Variants in GABRB1 observed in about 807,000 individuals in gnomAD.
GABRB1 encodes the protein gamma-aminobutyric acid receptor subunit beta-1.
In GABRB1, 17 loss-of-function variants were observed where a neutral mutation model predicts 51.6. The observed-to-expected ratio is 0.33, with a 90% confidence interval of 0.23 to 0.49. The LOEUF (loss-of-function observed/expected upper bound fraction) is 0.49, where lower values mean the gene tolerates loss of function less well. Ranked by LOEUF, GABRB1 falls within the 20% of genes least tolerant of loss-of-function variation. The pLI, the probability that GABRB1 is intolerant of heterozygous loss-of-function variation, is 0.99. For missense variants in GABRB1, 410 were observed against 600.6 expected (o/e 0.68, Z 3.32); for synonymous variants, 247 against 218.9 (o/e 1.13, Z -1.14).
chr4:47,293,926 A>G (rs1723858236), intron 4 of GABRB1, among the ~76,000 whole-genome samples: 1 of 152,224 alleles, frequency 6.6e-6, no homozygotes, highest in East Asian at 1.9e-4. Context: ...GAAAACATAT[A>G]ACACAAATTT....
rs369928112 is a variant in GABRB1 at position 47,239,009 on chromosome 4, C to G, written c.461+77540C>G. Among the ~76,000 whole-genome samples the G allele has an allele frequency of 4.6e-5, 7 of 152,188 alleles. No homozygotes were observed. The East Asian group carries it at 1.2e-3, about 25-fold the overall frequency. ...TATGGCTCACAAAATTTTCATTTGCCTGGTACAGGCTTTATTTTATTTTGT... is the reference window on the plus strand; with the variant it reads ...TATGGCTCACAAAATTTTCATTTGCGTGGTACAGGCTTTATTTTATTTTGT... On this transcript the variant is annotated intron_variant, in intron 4 of 8. Transcript: ENST00000295454.
chr4:47,422,880 G>A (rs1729135618), intron 8 of GABRB1, among the ~76,000 whole-genome samples: 1 of 152,050 alleles, frequency 6.6e-6, no homozygotes, highest in Non-Finnish European at 1.5e-5. Context: ...ACAGTTTCCA[G>A]GTCACCTTCA....
intron 4 of GABRB1, among the ~76,000 whole-genome samples, chr4:47,223,519 A>G (rs1479830104): frequency 6.6e-6 from 1 of 152,116 alleles, no homozygotes; most frequent in African/African-American, 2.4e-5. Context: ...ATTCTTTTAT[A>G]GTAAGCCTGA....
At chr4:47,019,724 T>G (rs553460759) in intron 1 of GABRB1, among the ~76,000 whole-genome samples, 1 of 150,044 alleles carries the variant, frequency 6.7e-6, no homozygotes, top group East Asian at 2.0e-4. Flanking sequence ...CCTTCTTCTT[T>G]CCTTCTTTCA....
intron 3 of GABRB1, among the ~76,000 whole-genome samples, chr4:47,138,974 G>C (rs1716798095): frequency 6.6e-6 from 1 of 151,918 alleles, no homozygotes; most frequent in African/African-American, 2.4e-5. Flanking sequence ...CCAAACATTT[G>C]GGATGAAAGT....
intron 5 of GABRB1, among the ~76,000 whole-genome samples, chr4:47,353,376 T>C (rs1726435563): frequency 6.6e-6 from 1 of 152,248 alleles, no homozygotes; most frequent in East Asian, 1.9e-4. Context: ...ACTCCCTTGA[T>C]GTTTCCCTTA....
chr4:47,088,947 T>C (rs1728184557), intron 3 of GABRB1, among the ~76,000 whole-genome samples: 1 of 152,226 alleles, frequency 6.6e-6, no homozygotes, highest in Non-Finnish European at 1.5e-5. Flanking sequence ...TTGACTTCTT[T>C]GTCTTGTGTG....
intron 4 of GABRB1, among the ~76,000 whole-genome samples, chr4:47,220,363 C>T (rs1720721888): frequency 6.6e-6 from 1 of 151,930 alleles, no homozygotes; most frequent in African/African-American, 2.4e-5. Flanking sequence ...CTCCTGCTTC[C>T]TTCTCCCTGT....
chr4:47,155,928 T>TATATATATATATAC lies in GABRB1; in HGVS notation c.241-5308_241-5307insCATATATATATATA, dbSNP rs1482118047. Among the ~76,000 whole-genome samples, 3 of 92,708 alleles carry TATATATATATATAC rather than the reference T, an allele frequency of 3.2e-5. 1 individual carries two copies. The highest frequency in any genetic ancestry group is 6.0e-5 in the Non-Finnish European group (3 of 50,234). The allele number at this position is 92,708 out of a possible 152,430, so 60.8% of individuals were successfully genotyped here. A position where few individuals can be genotyped will look rare whatever the true frequency, so the allele number is the denominator to read the frequency against. On this transcript the variant is annotated intron_variant, in intron 3 of 8. Transcript: ENST00000295454. ...AAAGAGGTATTTTCATATATATATA[T>TATATATATATATAC]ATATATATATATATATATGAAACCA...
At chr4:47,079,742 G>T (rs191971688) in intron 3 of GABRB1, among the ~76,000 whole-genome samples, 2 of 149,894 alleles carry the variant, frequency 1.3e-5, no homozygotes, top group African/African-American at 4.9e-5. Flanking sequence ...GCAAACTATC[G>T]CAAGGACAAA....
chr4:47,318,846 A>G (rs1379747353), intron 4 of GABRB1, among the ~76,000 whole-genome samples: 1 of 152,128 alleles, frequency 6.6e-6, no homozygotes, highest in Non-Finnish European at 1.5e-5. Context: ...ATAAAGTGTA[A>G]TCATAAGTTA....
chr4:47,380,206 G>T (rs1186263393), intron 5 of GABRB1, among the ~76,000 whole-genome samples: 1 of 152,188 alleles, frequency 6.6e-6, no homozygotes, highest in Non-Finnish European at 1.5e-5. Context: ...AGAATTAAAG[G>T]TTTATTTTAT....
rs147283965 is a variant in GABRB1 at position 46,995,052 on chromosome 4, T to C, written c.-20+1126T>C. On this transcript the variant is annotated intron_variant, in intron 1 of 3. Transcript: ENST00000513567. Reference sequence around the variant, plus strand: ...TTGTTAACTTCATCCTAATCCCATCTCTATCATTCTTTTCTCATAGACTGT... The same window carrying C: ...TTGTTAACTTCATCCTAATCCCATCCCTATCATTCTTTTCTCATAGACTGT... 6.0e-3 allele frequency among the ~76,000 whole-genome samples: 912 copies of C among 152,322 alleles called. 9 individuals carry two copies. The highest frequency in any genetic ancestry group is 0.02 in the African/African-American group (852 of 41,578).
intron 1 of GABRB1, among the ~76,000 whole-genome samples, chr4:47,023,681 A>C (rs1156738947): frequency 2.6e-5 from 4 of 152,028 alleles, no homozygotes; most frequent in African/African-American, 9.7e-5. Flanking sequence ...TAGTCATTTC[A>C]TATAATTATA....
intron 4 of GABRB1, among the ~76,000 whole-genome samples, chr4:47,242,414 G>A (rs1450729056): frequency 6.6e-6 from 1 of 152,170 alleles, no homozygotes; most frequent in African/African-American, 2.4e-5. Flanking sequence ...TAATGGGATG[G>A]CTGGGTCAAA....
chr4:47,083,813 T>A (rs1441186553), intron 3 of GABRB1, among the ~76,000 whole-genome samples: 1 of 152,052 alleles, frequency 6.6e-6, no homozygotes, highest in Non-Finnish European at 1.5e-5. Context: ...TGTTCTGGAT[T>A]TTCCCCCAGA....
intron 4 of GABRB1, among the ~76,000 whole-genome samples, chr4:47,272,039 C>CA (rs1350992313): frequency 1.3e-5 from 2 of 152,140 alleles, no homozygotes; most frequent in Non-Finnish European, 1.5e-5. Context: ...CAAACGACTC[C>CA]ATGTATGGTC....
chr4:47,065,335 T>G (rs1727030749), intron 3 of GABRB1, among the ~76,000 whole-genome samples: 1 of 152,244 alleles, frequency 6.6e-6, no homozygotes, highest in Non-Finnish European at 1.5e-5. Context: ...GTCTATTTCA[T>G]GCAGACATGT....
intron 3 of GABRB1, among the ~76,000 whole-genome samples, chr4:47,085,002 C>T (rs1184575389): frequency 1.3e-5 from 2 of 152,166 alleles, no homozygotes; most frequent in Non-Finnish European, 2.9e-5. Flanking sequence ...CTGGAACTGC[C>T]ACTCACCAGC....
Sources: gnomAD v4.1 joint callset for allele counts (sites outside exome capture counted in the v4.1 genomes callset) on GRCh38, gnomAD v4.1.1 for gene constraint, MANE v1.5 for transcripts, NCBI Gene and HGNC (gene_info 2026-07-23, HGNC 2026-07-21) for gene names.